The following CFAP44 variants were observed in gnomAD, a reference collection of about 807,000 sequenced individuals.
CFAP44 encodes the protein cilia and flagella associated protein 44.
Under a neutral mutation model 216.2 loss-of-function variants are expected in CFAP44, and 134 were observed. The ratio of observed to expected loss-of-function variants is 0.62; its 90% CI spans 0.54 to 0.72. The LOEUF (loss-of-function observed/expected upper bound fraction) is 0.72. Ranked by LOEUF, CFAP44 falls within the 30% of genes least tolerant of loss-of-function variation. The probability of loss-of-function intolerance (pLI) is 0.00; values close to 1 mark genes in which losing one functional copy is unlikely to be tolerated. For synonymous variants in CFAP44, 700 were observed against 727.6 expected (o/e 0.96, Z 0.61); for missense variants, 2,035 against 2,182.1 (o/e 0.93, Z 1.34).
At position 113,433,646 on chromosome 3, in the gene CFAP44, GA is replaced by G; in HGVS notation, c.18del (p.Gln7ArgfsTer19). 6.2e-7 allele frequency: 1 copy of G among 1,612,874 alleles called. No individual in the cohort carries two copies. The highest frequency in any genetic ancestry group is 8.5e-7 in the Non-Finnish European group (1 of 1,179,724). On this transcript the variant is annotated frameshift_variant, in exon 2 of 35. Coordinates refer to ENST00000393845, the MANE Select transcript of CFAP44 (RefSeq NM_001164496.2). LOFTEE classifies it high-confidence loss of function. MKEPD[D>X]QDTDGEKSVT... Reference sequence around the variant, plus strand: ...ACTGATTTCTCCCCATCAGTATCCTGATCATCTGGTTCCTTCATTTCCTCTG... The same window carrying G: ...ACTGATTTCTCCCCATCAGTATCCTGTCATCTGGTTCCTTCATTTCCTCTG...
intron 24 of CFAP44, among the ~76,000 whole-genome samples, chr3:113,334,894 A>G (rs1389602264): frequency 6.6e-6 from 1 of 152,232 alleles, no homozygotes; most frequent in African/African-American, 2.4e-5. Flanking sequence ...CTAATTTTTT[A>G]AAGTAAAGTC....
At chr3:113,301,181 G>A (rs977261522) in intron 32 of CFAP44, among the ~76,000 whole-genome samples, 1 of 152,044 alleles carries the variant, frequency 6.6e-6, no homozygotes, top group Non-Finnish European at 1.5e-5. Context: ...ACAGCTATAT[G>A]CTATATTACG....
At position 113,395,854 on chromosome 3, in the gene CFAP44, C is replaced by A; in HGVS notation, c.1786G>T (p.Asp596Tyr). ...DGEILATGSK[D>Y]QTVFFFEVER... ...ACTTCAAAGAAGAAAACAGTTTGAT[C>A]TTTACTCTAAGGAAAAAGAGACACA... The change falls in exon 15 of 35, where the codon GAT (aspartate) becomes TAT (tyrosine). Residue 596 changes from aspartate to tyrosine, a missense_variant. Around this residue, in one of 3 missense-constraint regions of CFAP44, gnomAD observed 1,883 missense variants for 2,023.7 expected, o/e 0.93. Transcript: ENST00000393845. 6.2e-7 allele frequency: 1 copy of A among 1,611,848 alleles called. No homozygotes were observed. Among genetic ancestry groups the A allele is most frequent in the East Asian group, 2.2e-5 (1 of 44,790 alleles).
chr3:113,340,242 C>G (rs566577808), intron 24 of CFAP44, among the ~76,000 whole-genome samples: 1 of 152,332 alleles, frequency 6.6e-6, no homozygotes, highest in South Asian at 2.1e-4. Flanking sequence ...CTGATTTTCA[C>G]CTTCGGAGGC....
chr3:113,356,476 G>T (rs1950493321), intron 22 of CFAP44, among the ~76,000 whole-genome samples: 1 of 152,128 alleles, frequency 6.6e-6, no homozygotes, highest in African/African-American at 2.4e-5. Context: ...AAGACAGAAT[G>T]ATACTGGCAC....
At chr3:113,349,004 A>G (rs1396301428) in intron 22 of CFAP44, among the ~76,000 whole-genome samples, 1 of 152,210 alleles carries the variant, frequency 6.6e-6, no homozygotes, top group African/African-American at 2.4e-5. Flanking sequence ...AGAAAGGGAC[A>G]AATTCCCTAC....
At chr3:113,294,139 A>G (rs1949857804) in intron 34 of CFAP44, 2 of 445,118 alleles carry the variant, frequency 4.5e-6, no homozygotes, top group Non-Finnish European at 9.0e-6. Context: ...TATGCTATAC[A>G]TGTGTTAGGT....
chr3:113,408,159 G>C (rs1418712203), intron 7 of CFAP44, among the ~76,000 whole-genome samples: 1 of 152,188 alleles, frequency 6.6e-6, no homozygotes, highest in Non-Finnish European at 1.5e-5. Flanking sequence ...GGATAAAAAT[G>C]TCTTTCTCTT....
intron 6 of CFAP44, among the ~76,000 whole-genome samples, chr3:113,411,729 G>C (rs1196086521): frequency 6.6e-6 from 1 of 152,276 alleles, no homozygotes; most frequent in African/African-American, 2.4e-5. Flanking sequence ...AAATTACCTT[G>C]GGCAGTATGG....
chr3:113,427,556 G>T, intron 2 of CFAP44: 1 of 447,852 alleles, frequency 2.2e-6, no homozygotes, highest in Non-Finnish European at 3.9e-6. Flanking sequence ...TTCATTTTCA[G>T]TCTATTTCCT....
Position 113,427,266 on chromosome 3 carries a change from A to T in CFAP44, c.174T>A (p.Tyr58Ter). The T allele has an allele frequency of 6.2e-7, 1 of 1,613,572 alleles. No individual in the cohort carries two copies. The highest frequency in any genetic ancestry group is 8.5e-7 in the Non-Finnish European group (1 of 1,179,774). The change falls in exon 3 of 35, where the codon TAT (tyrosine) becomes TAA (stop). Residue 58 changes from tyrosine (Y) to a stop codon, truncating the protein, a stop_gained. Coordinates refer to ENST00000393845, the MANE Select transcript of CFAP44 (RefSeq NM_001164496.2). LOFTEE classifies it high-confidence loss of function. ...DETFTKGEGSYLEEDSDEERL... is the reference protein window; with the variant it reads ...DETFTKGEGS ...GTTCCTCATCTGAGTCTTCTTCTAA[A>T]TATGATCCTTCCCCTTTGGTAAATG...
chr3:113,313,150 C>G (rs1278007224), intron 28 of CFAP44, among the ~76,000 whole-genome samples: 1 of 152,128 alleles, frequency 6.6e-6, no homozygotes, highest in Non-Finnish European at 1.5e-5. Flanking sequence ...CTGTATCCTG[C>G]AAAGCCACAG....
intron 18 of CFAP44, among the ~76,000 whole-genome samples, chr3:113,371,676 A>G (rs1933171460): frequency 6.6e-6 from 1 of 152,224 alleles, no homozygotes; most frequent in African/African-American, 2.4e-5. Context: ...ATGGGCAAAG[A>G]CTTCACGTCT....
At chr3:113,353,823 C>T (rs1280185606) in intron 22 of CFAP44, among the ~76,000 whole-genome samples, 3 of 152,152 alleles carry the variant, frequency 2.0e-5, no homozygotes, top group Non-Finnish European at 2.9e-5. Context: ...AGAGGGCTCC[C>T]TTCCACTCTG....
chr3:113,387,468 A>G (rs1229178551), intron 15 of CFAP44, among the ~76,000 whole-genome samples: 1 of 152,078 alleles, frequency 6.6e-6, no homozygotes, highest in African/African-American at 2.4e-5. Flanking sequence ...CCTTGAAGAG[A>G]AGGACTCAAT....
chr3:113,394,621 C>T (rs1443496110), intron 15 of CFAP44, among the ~76,000 whole-genome samples: 1 of 152,124 alleles, frequency 6.6e-6, no homozygotes, highest in Non-Finnish European at 1.5e-5. Flanking sequence ...ATTCTCTATA[C>T]CAGGGGTGTC....
chr3:113,405,971 C>G (rs1226142301), intron 8 of CFAP44, among the ~76,000 whole-genome samples: 1 of 152,178 alleles, frequency 6.6e-6, no homozygotes, highest in Non-Finnish European at 1.5e-5. Context: ...GACTAGACAA[C>G]TTGGTTCCTT....
chr3:113,399,411 T>C (rs1371070052), intron 13 of CFAP44, among the ~76,000 whole-genome samples: 1 of 152,242 alleles, frequency 6.6e-6, no homozygotes, highest in Non-Finnish European at 1.5e-5. Flanking sequence ...TTTTTTTCTA[T>C]AGTTCTTATA....
At chr3:113,423,942 A>AC (rs1934890899) in intron 4 of CFAP44, among the ~76,000 whole-genome samples, 1 of 152,200 alleles carries the variant, frequency 6.6e-6, no homozygotes, top group African/African-American at 2.4e-5. Flanking sequence ...CATCTGCCTT[A>AC]TTTTAACACA....
Sources: gnomAD v4.1 joint callset for allele counts (sites outside exome capture counted in the v4.1 genomes callset) on GRCh38, gnomAD v4.1.1 for gene constraint, gnomAD v4.1.1 regional missense constraint, MANE v1.5 for transcripts, NCBI Gene and HGNC (gene_info 2026-07-23, HGNC 2026-07-21) for gene names.